The following KCNQ1OT1 variants were observed in gnomAD, a reference collection of about 807,000 sequenced individuals.
KCNQ1OT1 encodes the protein KCNQ1 antisense RNA 2 (non-protein coding).
exon 1 of KCNQ1OT1, chr11:2,628,433 T>G (rs1164931377): frequency 2.5e-6 from 1 of 398,410 alleles, no homozygotes; most frequent in Non-Finnish European, 4.4e-6. Flanking sequence ...TCTGTATGTC[T>G]TCTTTGAATA....
rs1850347865 is a variant in KCNQ1OT1, at chr11:2,679,361, G to T, written n.20634C>A. 2 of 398,488 alleles carry T rather than the reference G, an allele frequency of 5.0e-6. No individual in the cohort carries two copies. The highest frequency in any genetic ancestry group is 1.3e-4 in the South Asian group (1 of 7,848). 24.7% of individuals were successfully genotyped at this position (398,488 alleles called of 1,614,324 possible). On this transcript the variant is annotated non_coding_transcript_exon_variant, in exon 1 of 1. Coordinates refer to ENST00000597346, the Ensembl canonical transcript of KCNQ1OT1. The surrounding 1 kb of genome is among the most constrained non-coding windows in gnomAD (Gnocchi z 4.8). ...CACTACTTTCTACCTGCTACACCTT[G>T]AGTGAGTCACTTAGTCTCAGTTTCT...
In KCNQ1OT1 at chr11:2,621,005, T is replaced by C. The variant is rs1451855648; in HGVS notation, n.78990A>G. 1.0e-5 allele frequency: 4 copies of C among 396,872 alleles called. No individual in the cohort carries two copies. The Admixed American group carries it at 1.8e-4, about 18-fold the overall frequency. 24.6% of individuals were successfully genotyped at this position (396,872 alleles called of 1,614,324 possible). A position where few individuals can be genotyped will look rare whatever the true frequency, so the allele number is the denominator to read the frequency against. ...TGTTTGTTTGTTTTTTGAGAAAGAGTCTTGCTCTGTCTCCCAGGCTGGAGT... is the reference window on the plus strand; with the variant it reads ...TGTTTGTTTGTTTTTTGAGAAAGAGCCTTGCTCTGTCTCCCAGGCTGGAGT... On this transcript the variant is annotated non_coding_transcript_exon_variant, in exon 1 of 1. Coordinates refer to ENST00000597346, the Ensembl canonical transcript of KCNQ1OT1. The surrounding 1 kb of genome is among the most constrained non-coding windows in gnomAD (Gnocchi z 5.7).
rs1564855983 is a variant in KCNQ1OT1, at chr11:2,679,862, A to C, written n.20133T>G. 7.5e-6 allele frequency: 3 copies of C among 398,386 alleles called. No homozygotes were observed. Among genetic ancestry groups the C allele is most frequent in the South Asian group, 1.3e-4 (1 of 7,846 alleles). The allele number at this position is 398,386 out of a possible 1,614,324, so 24.7% of individuals were successfully genotyped here. A position where few individuals can be genotyped will look rare whatever the true frequency, so the allele number is the denominator to read the frequency against. ...TTTATAGGACATGCATTTTTTTCAT[A>C]TAAACTTAGAACTAGCACGCCTAAT... On this transcript the variant is annotated non_coding_transcript_exon_variant, in exon 1 of 1. Coordinates refer to ENST00000597346, the Ensembl canonical transcript of KCNQ1OT1. The surrounding 1 kb of genome is among the most constrained non-coding windows in gnomAD (Gnocchi z 4.8).
In KCNQ1OT1 at chr11:2,698,554, C is replaced by T. The variant is rs749745426; in HGVS notation, n.1441G>A. 4.0e-5 allele frequency: 16 copies of T among 398,354 alleles called. No homozygotes were observed. The highest frequency in any genetic ancestry group is 6.2e-5 in the Non-Finnish European group (14 of 226,078). 24.7% of individuals were successfully genotyped at this position (398,354 alleles called of 1,614,324 possible). A position where few individuals can be genotyped will look rare whatever the true frequency, so the allele number is the denominator to read the frequency against. On this transcript the variant is annotated non_coding_transcript_exon_variant, in exon 1 of 1. Transcript: ENST00000597346. The surrounding 1 kb of genome is among the most constrained non-coding windows in gnomAD (Gnocchi z 5.1). Reference sequence around the variant, plus strand: ...ACTCAGACTGCAACCTTTACTTCGCCCCCTAATTCCTGACTCAGAATCCCC... The same window carrying T: ...ACTCAGACTGCAACCTTTACTTCGCTCCCTAATTCCTGACTCAGAATCCCC...
At position 2,659,881 on chromosome 11, in the gene KCNQ1OT1, AATTGG is replaced by A; in HGVS notation, n.40109_40113del. 5.0e-6 allele frequency: 2 copies of A among 398,412 alleles called. No homozygotes were observed. Among genetic ancestry groups the A allele is most frequent in the Non-Finnish European group, 8.9e-6 (2 of 225,964 alleles). The allele number at this position is 398,412 out of a possible 1,614,324, so 24.7% of individuals were successfully genotyped here. On this transcript the variant is annotated non_coding_transcript_exon_variant, in exon 1 of 1. Coordinates refer to ENST00000597346, the Ensembl canonical transcript of KCNQ1OT1. The surrounding 1 kb of genome is among the most constrained non-coding windows in gnomAD (Gnocchi z 4.3). ...GTGCTTATTTATAATCCATTTTTAA[AATTGG>A]ATTGTTCACTTTATTGTCAAGTTGT... is the stretch of plus-strand genomic sequence containing the variant.
chr11:2,690,044 C>G lies in KCNQ1OT1; in HGVS notation n.9951G>C, dbSNP rs2283190. 0.026 allele frequency: 10,502 copies of G among 398,966 alleles called. 417 individuals carry two copies. The highest frequency in any genetic ancestry group is 0.095 in the East Asian group (2,674 of 28,074). The allele number at this position is 398,966 out of a possible 1,614,324, so 24.7% of individuals were successfully genotyped here. A position where few individuals can be genotyped will look rare whatever the true frequency, so the allele number is the denominator to read the frequency against. ...CTTCCGAGGGCCAGCCCTGCCTCTCCTCCCCTCTCCTAGCCTGCTTCTGTC... is the reference window on the plus strand; with the variant it reads ...CTTCCGAGGGCCAGCCCTGCCTCTCGTCCCCTCTCCTAGCCTGCTTCTGTC... On this transcript the variant is annotated non_coding_transcript_exon_variant, in exon 1 of 1. Coordinates refer to ENST00000597346, the Ensembl canonical transcript of KCNQ1OT1. This position sits in a 1 kb window ranked among gnomAD's most constrained non-coding sequence, Gnocchi z 5.1.
At chr11:2,634,189 C>CT in exon 1 of KCNQ1OT1, 1 of 378,480 alleles carries the variant, frequency 2.6e-6, no homozygotes, top group Non-Finnish European at 4.5e-6. Context: ...TTTTATTATA[C>CT]TTTAAGTTCT....
At position 2,611,567 on chromosome 11, in the gene KCNQ1OT1, C is replaced by A; in HGVS notation, n.88428G>T. 1 of 398,498 alleles carries A rather than the reference C, an allele frequency of 2.5e-6. No individual in the cohort carries two copies. Among genetic ancestry groups the A allele is most frequent in the South Asian group, 1.3e-4 (1 of 7,776 alleles). The allele number at this position is 398,498 out of a possible 1,614,324, so 24.7% of individuals were successfully genotyped here. On this transcript the variant is annotated non_coding_transcript_exon_variant, in exon 1 of 1. Coordinates refer to ENST00000597346, the Ensembl canonical transcript of KCNQ1OT1. This position sits in a 1 kb window ranked among gnomAD's most constrained non-coding sequence, Gnocchi z 5.3. ...AGCTTTCTTATTACTGTTTGCATGT[C>A]ATCTTTTTCCATCATTTTACTTTCA... is the stretch of plus-strand genomic sequence containing the variant.
exon 1 of KCNQ1OT1, chr11:2,644,506 A>G (rs1015294790): frequency 1.5e-5 from 6 of 398,218 alleles, no homozygotes; most frequent in South Asian, 1.3e-4. Flanking sequence ...TGTATAGTCT[A>G]TCAGATCTTC....
Position 2,657,896 on chromosome 11 carries a change from C to T in KCNQ1OT1, n.42099G>A, listed in dbSNP as rs1371628929. On this transcript the variant is annotated non_coding_transcript_exon_variant, in exon 1 of 1. Coordinates refer to ENST00000597346, the Ensembl canonical transcript of KCNQ1OT1. The surrounding 1 kb of genome is among the most constrained non-coding windows in gnomAD (Gnocchi z 4.8). ...GGAGGCCAGTGAGGTGAGATGCTTT[C>T]CTCATTGTGGAACATGACATCAACA... 2.5e-6 allele frequency: 1 copy of T among 398,486 alleles called. No homozygotes were observed. The highest frequency in any genetic ancestry group is 2.1e-5 in the African/African-American group (1 of 48,626). 24.7% of individuals were successfully genotyped at this position (398,486 alleles called of 1,614,324 possible).
chr11:2,692,324 G>C (rs1253383672), exon 1 of KCNQ1OT1: 15 of 398,908 alleles, frequency 3.8e-5, no homozygotes, highest in South Asian at 1.3e-4. Context: ...CCACTGTCCT[G>C]ATAGGCCACC....
Position 2,620,857 on chromosome 11 carries a change from T to G in KCNQ1OT1, n.79138A>C. 2.5e-6 allele frequency: 1 copy of G among 398,568 alleles called. No individual in the cohort carries two copies. Among genetic ancestry groups the G allele is most frequent in the Non-Finnish European group, 4.4e-6 (1 of 226,062 alleles). 24.7% of individuals were successfully genotyped at this position (398,568 alleles called of 1,614,324 possible). A position where few individuals can be genotyped will look rare whatever the true frequency, so the allele number is the denominator to read the frequency against. ...CTGCAGCCTTCCCAGCAACTTTTAT[T>G]TTTTTGACTTTTTAATAATTGCCAT... is the stretch of plus-strand genomic sequence containing the variant. On this transcript the variant is annotated non_coding_transcript_exon_variant, in exon 1 of 1. Coordinates refer to ENST00000597346, the Ensembl canonical transcript of KCNQ1OT1. The surrounding 1 kb of genome is among the most constrained non-coding windows in gnomAD (Gnocchi z 4.5).
exon 1 of KCNQ1OT1, chr11:2,609,752 A>G (rs1179824706): frequency 2.5e-6 from 1 of 398,164 alleles, no homozygotes; most frequent in East Asian, 3.6e-5. Context: ...TCATGAATTG[A>G]CATTTTATCA....
Position 2,691,863 on chromosome 11 carries a change from T to TC in KCNQ1OT1, n.8131dup, listed in dbSNP as rs1850594093. On this transcript the variant is annotated non_coding_transcript_exon_variant, in exon 1 of 1. Coordinates refer to ENST00000597346, the Ensembl canonical transcript of KCNQ1OT1. This position sits in a 1 kb window ranked among gnomAD's most constrained non-coding sequence, Gnocchi z 6.4. ...CATGACCCCTAGGTCCTCTTTTCCA[T>TC]CCCTCCAGTTCTCCTGGCTTTCTTG... The TC allele has an allele frequency of 2.5e-6, 1 of 398,574 alleles. No individual in the cohort carries two copies. Among genetic ancestry groups the TC allele is most frequent in the Admixed American group, 4.4e-5 (1 of 22,726 alleles). 24.7% of individuals were successfully genotyped at this position (398,574 alleles called of 1,614,324 possible). A position where few individuals can be genotyped will look rare whatever the true frequency, so the allele number is the denominator to read the frequency against.
rs187899727 is a variant in KCNQ1OT1 at position 2,630,921 on chromosome 11, G to T, written n.69074C>A. 705 of 398,478 alleles carry T rather than the reference G, an allele frequency of 1.8e-3. 8 individuals are homozygous for T. Among genetic ancestry groups the T allele is most frequent in the African/African-American group, 0.013 (649 of 48,736 alleles). 24.7% of individuals were successfully genotyped at this position (398,478 alleles called of 1,614,324 possible). A position where few individuals can be genotyped will look rare whatever the true frequency, so the allele number is the denominator to read the frequency against. Reference sequence around the variant, plus strand: ...ATATAATCCTATTGTTTCCTGGCCTGGAAAGTTTTTGCTCAGAAATCCACT... The same window carrying T: ...ATATAATCCTATTGTTTCCTGGCCTTGAAAGTTTTTGCTCAGAAATCCACT... On this transcript the variant is annotated non_coding_transcript_exon_variant, in exon 1 of 1. Coordinates refer to ENST00000597346, the Ensembl canonical transcript of KCNQ1OT1.
At chr11:2,680,207 A>T (rs79201531) in exon 1 of KCNQ1OT1, 4 of 44,064 alleles carry the variant, frequency 9.1e-5, no homozygotes, top group Admixed American at 3.1e-4. Flanking sequence ...TTGCCTAATT[A>T]AAAAAAAAAA....
At chr11:2,697,285 C>A (rs58129562) in exon 1 of KCNQ1OT1, 1 of 398,514 alleles carries the variant, frequency 2.5e-6, no homozygotes, top group South Asian at 1.3e-4. Flanking sequence ...TACAACAAGT[C>A]GTAACACCAA....
Position 2,677,312 on chromosome 11 carries a change from A to G in KCNQ1OT1, n.22683T>C. On this transcript the variant is annotated non_coding_transcript_exon_variant, in exon 1 of 1. Transcript: ENST00000597346. The surrounding 1 kb of genome is among the most constrained non-coding windows in gnomAD (Gnocchi z 4.5). ...AATAGGAGATTTCATCAAGTTAAAG[A>G]AAATGATGTCAAATGATTTCTCAAA... 1 of 398,658 alleles carries G rather than the reference A, an allele frequency of 2.5e-6. No individual in the cohort carries two copies. Among genetic ancestry groups the G allele is most frequent in the Non-Finnish European group, 4.4e-6 (1 of 226,070 alleles). 24.7% of individuals were successfully genotyped at this position (398,658 alleles called of 1,614,324 possible). A position where few individuals can be genotyped will look rare whatever the true frequency, so the allele number is the denominator to read the frequency against.
In KCNQ1OT1 at chr11:2,670,259, G is replaced by A; in HGVS notation, n.29736C>T. The A allele has an allele frequency of 2.5e-6, 1 of 398,576 alleles. No individual in the cohort carries two copies. The highest frequency in any genetic ancestry group is 4.4e-6 in the Non-Finnish European group (1 of 226,074). 24.7% of individuals were successfully genotyped at this position (398,576 alleles called of 1,614,324 possible). A position where few individuals can be genotyped will look rare whatever the true frequency, so the allele number is the denominator to read the frequency against. ...CCTGCACATGACGGGCGAGGGAAGAGGACCATGGTAGCTTGTCTCTAGGCA... is the reference window on the plus strand; with the variant it reads ...CCTGCACATGACGGGCGAGGGAAGAAGACCATGGTAGCTTGTCTCTAGGCA... On this transcript the variant is annotated non_coding_transcript_exon_variant, in exon 1 of 1. Coordinates refer to ENST00000597346, the Ensembl canonical transcript of KCNQ1OT1. The surrounding 1 kb of genome is among the most constrained non-coding windows in gnomAD (Gnocchi z 4.9).
Sources: gnomAD v4.1 joint callset for allele counts on GRCh38, gnomAD v4.1.1 for gene constraint, Gnocchi (gnomAD v3.1) non-coding constraint, MANE v1.5 for transcripts, NCBI Gene and HGNC (gene_info 2026-07-23, HGNC 2026-07-21) for gene names.